The following WNK2 variants were observed in gnomAD, a reference collection of about 807,000 sequenced individuals.
The protein encoded by WNK2 is serine/threonine-protein kinase WNK2.
WNK2 carries 67 observed loss-of-function variants against 192.1 expected under a neutral mutation model. That is an observed-to-expected ratio of 0.35 (90% CI 0.29 to 0.43). WNK2 has a LOEUF of 0.43. Ranked by LOEUF, WNK2 falls within the 20% of genes least tolerant of loss-of-function variation. The pLI, the probability that WNK2 is intolerant of heterozygous loss-of-function variation, is 1.00. For missense variants in WNK2, 2,698 were observed against 3,089.7 expected, an observed-to-expected ratio of 0.87 and a Z score of 3.01; for synonymous variants, 1,439 against 1,393.9, an observed-to-expected ratio of 1.03 and a Z score of -0.72.
chr9:93,298,177 C>T (rs543647649), intron 24 of WNK2, 110 bp downstream of exon 24: 202 of 1,176,910 alleles, frequency 1.7e-4, no homozygotes, highest in Middle Eastern at 1.7e-3. Flanking sequence ...GAAGACCACT[C>T]GGGGTTATCT....
At chr9:93,270,185 A>G (rs1845820249) in intron 19 of WNK2, among the ~76,000 whole-genome samples, 1 of 152,224 alleles carries the variant, frequency 6.6e-6, no homozygotes, top group Non-Finnish European at 1.5e-5. Flanking sequence ...GGAAGGAGAT[A>G]GGCCTGCAGA....
At chr9:93,295,599 G>C (rs1357757820) in intron 23 of WNK2, among the ~76,000 whole-genome samples, 1 of 152,044 alleles carries the variant, frequency 6.6e-6, no homozygotes, top group East Asian at 1.9e-4. Flanking sequence ...GGGGTTACAG[G>C]CCTCCAGCCA....
At chr9:93,233,040 A>G (rs965314165) in intron 4 of WNK2, among the ~76,000 whole-genome samples, 1 of 151,356 alleles carries the variant, frequency 6.6e-6, no homozygotes. Context: ...AAGAAAGAGA[A>G]AGAAAAAGAA....
intron 9 of WNK2, among the ~76,000 whole-genome samples, chr9:93,254,547 A>G (rs1843018164): frequency 6.6e-6 from 1 of 152,244 alleles, no homozygotes; most frequent in Non-Finnish European, 1.5e-5. Flanking sequence ...AAAGCAGTGG[A>G]AGCTGTTTGC....
Position 93,185,212 on chromosome 9 carries a change from G to A in WNK2, c.283G>A (p.Ala95Thr), listed in dbSNP as rs1488088021. 21 of 1,165,438 alleles carry A rather than the reference G, an allele frequency of 1.8e-5. No homozygotes were observed. Among genetic ancestry groups the A allele is most frequent in the Admixed American group, 1.4e-4 (3 of 21,142 alleles). The allele number at this position is 1,165,438 out of a possible 1,614,324, so 72.2% of individuals were successfully genotyped here. The change falls in exon 2 of 30, where the codon GCC becomes ACC. Residue 95 changes from alanine to threonine, a missense_variant. By Grantham distance (58) the Ala-to-Thr change is moderately conservative. Transcript: ENST00000427277. ...GGAGCGCGCCCGCGGACGCCCCGCC[G>A]CCCCCGCGCCCGCAGCGCTGGTAGC... ...IAERARGRPA[A>T]PAPAALVAQP...
rs1851668626 is a variant in WNK2 at position 93,301,838 on chromosome 9, T to A, written c.6214+1689T>A. On this transcript the variant is annotated intron_variant, in intron 26 of 29. Coordinates refer to ENST00000427277, the MANE Select transcript of WNK2 (RefSeq NM_006648.4). ...TGCTGTGTTTTGTGGTATTGCTTGT[T>A]TTCACGGCTTAGCCCCCATCAGGCA... Among the ~76,000 whole-genome samples the A allele has an allele frequency of 2.6e-5, 4 of 152,212 alleles. No homozygotes were observed. The South Asian group carries it at 8.3e-4, about 31-fold the overall frequency.
At chr9:93,215,529 A>G (rs1421875113) in intron 2 of WNK2, among the ~76,000 whole-genome samples, 1 of 152,110 alleles carries the variant, frequency 6.6e-6, no homozygotes, top group Non-Finnish European at 1.5e-5. Context: ...TCTTTTTCAT[A>G]TGCATTTGTC....
chr9:93,284,609 G>T lies in WNK2; in HGVS notation c.4034-4179G>T, dbSNP rs192785862. Among the ~76,000 whole-genome samples the T allele has an allele frequency of 1.8e-3, 269 of 151,886 alleles. 1 individual carries two copies. The highest frequency in any genetic ancestry group is 6.2e-3 in the African/African-American group (258 of 41,398). ...TAGATATTGCAGGGGAGCGGGGGGT[G>T]GGCAGGAAAGGAAGGGAAGGGGGAG... On this transcript the variant is annotated intron_variant, in intron 19 of 29. Transcript: ENST00000427277.
In WNK2 at chr9:93,185,277, C is replaced by A; in HGVS notation, c.348C>A (p.Pro116=). 1 of 1,353,214 alleles carries A rather than the reference C, an allele frequency of 7.4e-7. No individual in the cohort carries two copies. The highest frequency in any genetic ancestry group is 9.4e-7 in the Non-Finnish European group (1 of 1,059,706). The allele number at this position is 1,353,214 out of a possible 1,614,324, so 83.8% of individuals were successfully genotyped here. A position where few individuals can be genotyped will look rare whatever the true frequency, so the allele number is the denominator to read the frequency against. ...CCGGAGCCCCCGCGGACGCCGGCCC[C>A]GAGCCCGTGGGCACGCAGGAGCCCG... ...GAPGAPADAG[P]EPVGTQEPGP... is the part of the protein sequence containing the mutation. The change falls in exon 2 of 30, where the codon CCC becomes CCA. Residue 116 remains proline, a synonymous_variant. Transcript: ENST00000427277.
intron 7 of WNK2, among the ~76,000 whole-genome samples, chr9:93,241,270 C>G (rs1229306454): frequency 1.3e-5 from 2 of 152,232 alleles, no homozygotes; most frequent in Admixed American, 1.3e-4. Flanking sequence ...AAAACAAAGT[C>G]ACAACGGGGA....
In WNK2 at chr9:93,215,882, G is replaced by A. The variant is rs115537210; in HGVS notation, c.682-13814G>A. Among the ~76,000 whole-genome samples, 1,181 of 152,040 alleles carry A rather than the reference G, an allele frequency of 7.8e-3. 18 individuals are homozygous for A. Among genetic ancestry groups the A allele is most frequent in the African/African-American group, 0.027 (1,115 of 41,454 alleles). ...TTGGTCTTGTCTCCTGATCTTCTTG[G>A]TCATTTTTTATTGCTGTGTTTAGAA... is the stretch of plus-strand genomic sequence containing the variant. On this transcript the variant is annotated intron_variant, in intron 2 of 29. Coordinates refer to ENST00000427277, the MANE Select transcript of WNK2 (RefSeq NM_006648.4).
chr9:93,250,412 C>T (rs1842419221), intron 8 of WNK2, among the ~76,000 whole-genome samples: 1 of 152,232 alleles, frequency 6.6e-6, no homozygotes, highest in Non-Finnish European at 1.5e-5. Flanking sequence ...CACTGACATC[C>T]ACATGTGTGC....
At chr9:93,263,767 G>A (rs1844684643) in intron 15 of WNK2, 33 bp downstream of exon 15, 3 of 935,964 alleles carry the variant, frequency 3.2e-6, no homozygotes, top group Non-Finnish European at 4.4e-6. Context: ...GGGTGTGGTG[G>A]GGGTGGGGGC....
chr9:93,261,922 C>T lies in WNK2; in HGVS notation c.3175C>T (p.Leu1059=), dbSNP rs1229403050. 6.2e-7 allele frequency: 1 copy of T among 1,608,790 alleles called. No individual in the cohort carries two copies. Among genetic ancestry groups the T allele is most frequent in the Non-Finnish European group, 8.5e-7 (1 of 1,179,750 alleles). ...CTCGCCGCCTCTGCCGGAAGTGCTG[C>T]TGCCTGCCGCCCCTGAGCTCCTGCC... is the stretch of plus-strand genomic sequence containing the variant. ...VLSPPLPEVL[L]PAAPELLPQF... is the part of the protein sequence containing the mutation. Residue 1059 remains leucine (L), a synonymous_variant, in exon 13 of 30, where the codon CTG becomes TTG. Transcript: ENST00000427277.
intron 2 of WNK2, among the ~76,000 whole-genome samples, chr9:93,200,738 G>T (rs1832189087): frequency 6.6e-6 from 1 of 152,182 alleles, no homozygotes; most frequent in Non-Finnish European, 1.5e-5. Context: ...TCAGGGTGTG[G>T]TGGTTGCAGG....
chr9:93,201,943 T>C (rs1488061595), intron 2 of WNK2, among the ~76,000 whole-genome samples: 3 of 152,016 alleles, frequency 2.0e-5, no homozygotes, highest in Non-Finnish European at 4.4e-5. Flanking sequence ...CAGGCCAGAG[T>C]GGAGCTCCTT....
At chr9:93,306,602 C>A (rs1360029211) in intron 26 of WNK2, 175 bp from the exon 27 acceptor site, 3 of 752,692 alleles carry the variant, frequency 4.0e-6, no homozygotes, top group African/African-American at 3.5e-5. Flanking sequence ...GAGCCTGCAC[C>A]CTCTCTCCAG....
At position 93,318,446 on chromosome 9, in the gene WNK2, C is replaced by T. The variant is rs567980823; in HGVS notation, c.6628+815C>T. On this transcript the variant is annotated intron_variant, in intron 29 of 29. Transcript: ENST00000427277. ...GGGACGCTGGGGCAGGGCACACTGG[C>T]GGAGCTGCTTGCTCAGTAGGGAATG... 14 of 1,614,062 alleles carry T rather than the reference C, an allele frequency of 8.7e-6. No homozygotes were observed. The East Asian group carries it at 2.0e-4, about 23-fold the overall frequency.
In WNK2 at chr9:93,298,085, G is replaced by A. The variant is rs911186682; in HGVS notation, c.5923+18G>A. 3 of 1,547,474 alleles carry A rather than the reference G, an allele frequency of 1.9e-6. No individual in the cohort carries two copies. The African/African-American group carries it at 4.1e-5, about 21-fold the overall frequency. On this transcript the variant is annotated intron_variant, in intron 24 of 29. Coordinates refer to ENST00000427277, the MANE Select transcript of WNK2 (RefSeq NM_006648.4). ...CAGCACAGGTCGGCCTCCGGGTGCAGGGCTGGGATGGGAGCGGGGCTGGGG... is the reference window on the plus strand; with the variant it reads ...CAGCACAGGTCGGCCTCCGGGTGCAAGGCTGGGATGGGAGCGGGGCTGGGG...
Sources: gnomAD v4.1 joint callset for allele counts (sites outside exome capture counted in the v4.1 genomes callset) on GRCh38, gnomAD v4.1.1 for gene constraint, MANE v1.5 for transcripts, NCBI Gene and HGNC (gene_info 2026-07-23, HGNC 2026-07-21) for gene names.